AAGAB: variants seen among roughly 807,000 people sequenced by gnomAD.
The protein encoded by AAGAB is alpha and gamma adaptin binding protein.
In AAGAB, 38 loss-of-function variants were observed where a neutral mutation model predicts 44.1. The observed-to-expected ratio is 0.86, with a 90% CI of 0.67 to 1.13. AAGAB has a LOEUF of 1.13. Ranked by LOEUF, AAGAB falls within the 50% of genes most tolerant of loss-of-function variation. The probability of loss-of-function intolerance (pLI) is 0.00; values close to 1 mark genes in which losing one functional copy is unlikely to be tolerated. For missense variants in AAGAB, 450 were observed against 373.8 expected (o/e 1.20, Z -1.68); for synonymous variants, 131 against 131.8 (o/e 0.99, Z 0.04).
intron 5 of AAGAB, chr15:67,226,805 C>G (rs62014641): frequency 0.025 from 3,954 of 158,070 alleles, 82 homozygotes; most frequent in African/African-American, 0.052. Flanking sequence ...ATAATAATCA[C>G]ATATTAAATC....
intron 5 of AAGAB, among the ~76,000 whole-genome samples, chr15:67,213,575 T>C (rs1168209460): frequency 6.6e-6 from 1 of 152,186 alleles, no homozygotes; most frequent in Non-Finnish European, 1.5e-5. Context: ...TTTCCTTTTT[T>C]CTGATTTTTT....
rs929999979 is a variant in AAGAB, at chr15:67,227,488, T to C, written c.535+4326A>G. On this transcript the variant is annotated intron_variant, in intron 5 of 9. Transcript: ENST00000261880. ...CTTATGTATATTTAACCACATCTTA[T>C]GTATATTTAACCACAATTTTAAAAA... 3.5e-4 allele frequency among the ~76,000 whole-genome samples: 53 copies of C among 152,242 alleles called. 1 individual carries two copies. The highest frequency in any genetic ancestry group is 9.2e-4 in the Admixed American group (14 of 15,288).
intron 4 of AAGAB, among the ~76,000 whole-genome samples, chr15:67,233,265 G>C (rs1361073138): frequency 3.3e-5 from 5 of 152,224 alleles, no homozygotes; most frequent in Non-Finnish European, 5.9e-5. Context: ...AGAAGTGTAA[G>C]AGACAGGCAA....
intron 1 of AAGAB, chr15:67,243,018 T>G (rs1964639661): frequency 6.6e-6 from 1 of 152,126 alleles, no homozygotes; most frequent in African/African-American, 2.4e-5. Context: ...TATATCACAG[T>G]GGAAACATTT....
At chr15:67,243,047 A>G (rs557051267) in intron 1 of AAGAB, among the ~76,000 whole-genome samples, 3 of 152,244 alleles carry the variant, frequency 2.0e-5, no homozygotes, top group South Asian at 4.1e-4. Context: ...AAGCAGAGGA[A>G]ATCCAACCCA....
chr15:67,203,023 A>G (rs1456543493), intron 9 of AAGAB, 125 bp from the exon 10 acceptor site: 5 of 791,082 alleles, frequency 6.3e-6, no homozygotes, highest in Non-Finnish European at 1.1e-5. Flanking sequence ...CTGGCAACAC[A>G]TATCAGAACC....
Position 67,202,788 on chromosome 15 carries a change from C to T in AAGAB, c.*33G>A, listed in dbSNP as rs777032323. 3.1e-6 allele frequency: 5 copies of T among 1,603,724 alleles called. No individual in the cohort carries two copies. Among genetic ancestry groups the T allele is most frequent in the Non-Finnish European group, 4.3e-6 (5 of 1,170,672 alleles). ...AGAGAGGTATCTCAGAGACAGCTAG[C>T]ATCTTTGTTGGTCAAACCCTAGTAT... On this transcript the variant is annotated 3_prime_UTR_variant, in exon 10 of 10. Coordinates refer to ENST00000261880, the MANE Select transcript of AAGAB (RefSeq NM_024666.5).
chr15:67,233,577 C>T (rs1221642394), intron 4 of AAGAB, among the ~76,000 whole-genome samples: 4 of 152,194 alleles, frequency 2.6e-5, no homozygotes, highest in Non-Finnish European at 5.9e-5. Context: ...GCCAGCCTAG[C>T]CCTGGGTGGT....
At chr15:67,254,707 G>A (rs1460821911), upstream of AAGAB, 2 of 1,469,850 alleles carry the variant, frequency 1.4e-6, no homozygotes, top group Non-Finnish European at 9.3e-7. Flanking sequence ...GCGCGAGGGG[G>A]AGACAGGCCG....
chr15:67,244,830 A>C (rs1405825468), intron 1 of AAGAB, among the ~76,000 whole-genome samples: 3 of 152,170 alleles, frequency 2.0e-5, no homozygotes, highest in Non-Finnish European at 4.4e-5. Flanking sequence ...TAAAAAAAAA[A>C]AGTGGGCAAA....
At chr15:67,228,968 G>A (rs144209572) in intron 5 of AAGAB, among the ~76,000 whole-genome samples, 159 of 152,226 alleles carry the variant, frequency 1.0e-3, no homozygotes, top group African/African-American at 3.4e-3. Flanking sequence ...ACAGACACTG[G>A]GGCCTTACTT....
Position 67,232,043 on chromosome 15 carries a change from C to T in AAGAB, c.452-146G>A, listed in dbSNP as rs143805221. The T allele has an allele frequency of 8.1e-3, 4,595 of 566,892 alleles. 169 individuals carry two copies. The highest frequency in any genetic ancestry group is 0.079 in the African/African-American group (4,152 of 52,682). The allele number at this position is 566,892 out of a possible 1,614,324, so 35.1% of individuals were successfully genotyped here. A position where few individuals can be genotyped will look rare whatever the true frequency, so the allele number is the denominator to read the frequency against. On this transcript the variant is annotated intron_variant, in intron 4 of 9. Coordinates refer to ENST00000261880, the MANE Select transcript of AAGAB (RefSeq NM_024666.5). ...CCAAGGAGGGCAGATTACCTGAGGT[C>T]GGGAGTTCAAGACCAGCCTGACCAA...
intron 1 of AAGAB, among the ~76,000 whole-genome samples, chr15:67,245,422 G>A (rs1188203511): frequency 1.3e-5 from 2 of 152,146 alleles, no homozygotes; most frequent in Non-Finnish European, 2.9e-5. Context: ...AAAATGTGTA[G>A]AAAAGGCAAA....
chr15:67,241,705 A>G (rs964482933), intron 1 of AAGAB, among the ~76,000 whole-genome samples: 29 of 152,174 alleles, frequency 1.9e-4, no homozygotes, highest in Admixed American at 5.9e-4. Context: ...AATGAATTCA[A>G]TGAAACTATG....
intron 7 of AAGAB, among the ~76,000 whole-genome samples, chr15:67,205,669 G>A (rs1345275340): frequency 6.6e-6 from 1 of 152,198 alleles, no homozygotes; most frequent in African/African-American, 2.4e-5. Context: ...GATGAGGACT[G>A]GAAAATATCT....
chr15:67,213,298 T>C (rs923122751), intron 5 of AAGAB, among the ~76,000 whole-genome samples: 3 of 152,194 alleles, frequency 2.0e-5, no homozygotes, highest in African/African-American at 7.2e-5. Flanking sequence ...AACAAAACTA[T>C]AGCCTCTAGA....
At chr15:67,226,302 G>A (rs73487128) in intron 5 of AAGAB, among the ~76,000 whole-genome samples, 1,974 of 151,926 alleles carry the variant, frequency 0.013, 40 homozygotes, top group African/African-American at 0.041. Flanking sequence ...GAATTTTTTT[G>A]TAGAGACAGA....
At chr15:67,215,858 A>C (rs1963932685) in intron 5 of AAGAB, among the ~76,000 whole-genome samples, 1 of 152,188 alleles carries the variant, frequency 6.6e-6, no homozygotes, top group African/African-American at 2.4e-5. Flanking sequence ...ATTCTTTTTC[A>C]CTAAACTGCT....
intron 6 of AAGAB, among the ~76,000 whole-genome samples, chr15:67,209,099 A>T (rs574338868): frequency 1.3e-5 from 2 of 152,348 alleles, no homozygotes; most frequent in African/African-American, 4.8e-5. Flanking sequence ...TTGAAACTGG[A>T]CTACAAGCTC....
Sources: allele counts gnomAD v4.1 joint callset (sites outside exome capture counted in the v4.1 genomes callset), GRCh38; gene constraint gnomAD v4.1.1; transcripts MANE v1.5; gene names NCBI Gene and HGNC (gene_info 2026-07-23, HGNC 2026-07-21).